SNX8: variants seen among roughly 807,000 people sequenced by gnomAD.
SNX8 encodes the protein sorting nexin-8.
In SNX8, 25 loss-of-function variants were observed where a neutral mutation model predicts 51.6. The observed-to-expected ratio is 0.48, with a 90% CI of 0.35 to 0.68. The LOEUF is 0.68. Ranked by LOEUF, SNX8 falls within the 30% of genes least tolerant of loss-of-function variation. The probability of loss-of-function intolerance (pLI) is 0.00; values close to 1 mark genes in which losing one functional copy is unlikely to be tolerated. For synonymous variants in SNX8, 324 were observed against 277.0 expected, an observed-to-expected ratio of 1.17 and a Z score of -1.68; for missense variants, 695 against 624.0, an observed-to-expected ratio of 1.11 and a Z score of -1.21.
chr7:2,294,530 G>A (rs542919801), intron 1 of SNX8, among the ~76,000 whole-genome samples: 7 of 152,322 alleles, frequency 4.6e-5, no homozygotes, highest in African/African-American at 1.7e-4. Context: ...GGCCCAGCGG[G>A]TGATGACCTG....
intron 1 of SNX8, among the ~76,000 whole-genome samples, chr7:2,285,508 T>A (rs975471471): frequency 6.6e-6 from 1 of 152,212 alleles, no homozygotes; most frequent in African/African-American, 2.4e-5. Context: ...CATGAGAGTT[T>A]GGCAGCTCTG....
At chr7:2,272,108 G>C (rs552622920) in intron 3 of SNX8, 137 bp from the exon 4 acceptor site, 2 of 1,213,544 alleles carry the variant, frequency 1.6e-6, no homozygotes, top group South Asian at 3.0e-5. Context: ...TGGGCCCCCA[G>C]TGCTGCTCAG....
intron 1 of SNX8, among the ~76,000 whole-genome samples, chr7:2,286,768 A>G (rs1796038767): frequency 4.0e-5 from 6 of 151,656 alleles, no homozygotes. Flanking sequence ...TCCATGCCTC[A>G]GCCTCCCAAA....
chr7:2,266,407 C>T (rs1046522502), intron 5 of SNX8, among the ~76,000 whole-genome samples: 14 of 151,746 alleles, frequency 9.2e-5, no homozygotes, highest in South Asian at 2.1e-4. Context: ...AGTGCAGTGG[C>T]GCAATCTTGG....
chr7:2,261,810 A>G (rs1795343162), intron 7 of SNX8, among the ~76,000 whole-genome samples: 2 of 152,376 alleles, frequency 1.3e-5, no homozygotes, highest in African/African-American at 4.8e-5. Flanking sequence ...CTTCAGCACG[A>G]AAAACGTCAC....
Position 2,297,550 on chromosome 7 carries a change from CAAAAA to C in SNX8, c.94+16773_94+16777del, listed in dbSNP as rs145543350. On this transcript the variant is annotated intron_variant, in intron 1 of 10. Coordinates refer to ENST00000222990, the MANE Select transcript of SNX8 (RefSeq NM_013321.4). The stretch of plus-strand genomic sequence containing the variant: ...GGGCAACAGGAGCAAAACCCCGCCG[CAAAAA>C]AAAAAAAAAAAAAAAAAAAAAATAC... Among the ~76,000 whole-genome samples the C allele has an allele frequency of 3.1e-3, 124 of 40,264 alleles. 2 individuals carry two copies. The South Asian group carries it at 0.12, about 38-fold the overall frequency. The allele number at this position is 40,264 out of a possible 152,430, so 26.4% of individuals were successfully genotyped here. A position where few individuals can be genotyped will look rare whatever the true frequency, so the allele number is the denominator to read the frequency against.
In SNX8 at chr7:2,343,113, T is replaced by C. The variant is rs368243663; in HGVS notation, c.-66+11109A>G. On this transcript the variant is annotated intron_variant, in intron 1 of 5. Transcript: ENST00000435336. ...CCTGGCCTGATTTTTGTATTTTTAG[T>C]AGAGGTGGGGGTTCACCATGTTGGC... 7.9e-5 allele frequency among the ~76,000 whole-genome samples: 12 copies of C among 151,862 alleles called. No homozygotes were observed. The South Asian group carries it at 1.7e-3, about 21-fold the overall frequency.
chr7:2,309,673 G>A, intron 1 of SNX8: 4 of 402,746 alleles, frequency 9.9e-6, no homozygotes, highest in South Asian at 1.9e-5. Flanking sequence ...GGAGGTTGCG[G>A]TGAGCCGAGA....
chr7:2,350,099 C>T (rs970858465), intron 1 of SNX8, among the ~76,000 whole-genome samples: 1 of 152,186 alleles, frequency 6.6e-6, no homozygotes, highest in African/African-American at 2.4e-5. Context: ...TCCTCAAAGA[C>T]ATGAAATCCC....
intron 4 of SNX8, among the ~76,000 whole-genome samples, chr7:2,270,737 G>GGGA (rs1320491718): frequency 6.6e-6 from 1 of 152,180 alleles, no homozygotes; most frequent in East Asian, 1.9e-4. Context: ...CAGGCACAGG[G>GGGA]GGAAGGCCCC....
rs150480674 is a variant in SNX8 at position 2,256,983 on chromosome 7, A to T, written c.1175T>A (p.Phe392Tyr). The T allele has an allele frequency of 2.0e-3, 3,251 of 1,612,528 alleles. 9 individuals carry two copies. Among genetic ancestry groups the T allele is most frequent in the Non-Finnish European group, 2.4e-3 (2,854 of 1,179,186 alleles). ...CTCCTGGTGCAGGCAGTACAGGGAG[A>T]AGTAGTTCCGCAGCTCCATCGTCTG... ...AIQTMELRNY[F>Y]SLYCLHQETQ... The change falls in exon 10 of 11, where the codon TTC becomes TAC. Residue 392 changes from phenylalanine (F) to tyrosine (Y), a missense_variant. Phe to Tyr is a conservative substitution (Grantham distance 22, BLOSUM62 3). Coordinates refer to ENST00000222990, the MANE Select transcript of SNX8 (RefSeq NM_013321.4).
At chr7:2,349,980 C>T (rs909504819) in intron 1 of SNX8, among the ~76,000 whole-genome samples, 22 of 152,148 alleles carry the variant, frequency 1.4e-4, no homozygotes, top group African/African-American at 5.3e-4. Context: ...GGAGCCACCC[C>T]ACTAGAGATC....
intron 1 of SNX8, among the ~76,000 whole-genome samples, chr7:2,278,622 C>CACTCACACTACGGAGTCGAAGCCGG: frequency 1.3e-5 from 1 of 78,190 alleles, no homozygotes; most frequent in East Asian, 8.7e-4. Context: ...ACGCCGGACT[C>CACTCACACTACGGAGTCGAAGCCGG]ACTCACACTA....
Position 2,257,394 on chromosome 7 carries a change from C to G in SNX8, c.1105G>C (p.Val369Leu). The change falls in exon 9 of 11, where the codon GTG (valine) becomes CTG (leucine). Residue 369 changes from valine (V) to leucine (L), a missense_variant. Transcript: ENST00000222990. ...ATAQNREPES[V>L]EQLESRIVEQ... is the part of the protein sequence containing the mutation. ...ACAATGCGGGACTCCAGCTGCTCCA[C>G]GGACTCCGGCTCGCGGTTCTGCGCG... The G allele has an allele frequency of 6.2e-7, 1 of 1,609,740 alleles. No homozygotes were observed. The highest frequency in any genetic ancestry group is 2.2e-5 in the East Asian group (1 of 44,858).
intron 1 of SNX8, among the ~76,000 whole-genome samples, chr7:2,285,136 C>T (rs930036814): frequency 2.8e-4 from 42 of 147,562 alleles, no homozygotes; most frequent in Middle Eastern, 3.6e-3. Context: ...GGCGTGAACC[C>T]GGGAGGCAGA....
chr7:2,315,113 C>G (rs1796733000), upstream of SNX8, among the ~76,000 whole-genome samples: 1 of 151,634 alleles, frequency 6.6e-6, no homozygotes, highest in Non-Finnish European at 1.5e-5. Flanking sequence ...CTCACACACT[C>G]ACCGCATCCT....
chr7:2,334,515 C>G (rs959526304), intron 1 of SNX8, among the ~76,000 whole-genome samples: 3 of 151,834 alleles, frequency 2.0e-5, no homozygotes, highest in Non-Finnish European at 2.9e-5. Context: ...CTGGCAAACA[C>G]AGTGAAACAC....
chr7:2,327,019 A>G (rs999347374), intron 1 of SNX8, among the ~76,000 whole-genome samples: 1 of 152,178 alleles, frequency 6.6e-6, no homozygotes, highest in African/African-American at 2.4e-5. Context: ...ATATTGTCTC[A>G]GAGTGCTTGA....
chr7:2,342,112 G>A (rs1778938550), intron 1 of SNX8, among the ~76,000 whole-genome samples: 1 of 151,316 alleles, frequency 6.6e-6, no homozygotes. Flanking sequence ...CTGGGAGGCG[G>A]AGGTTGCAGT....
Sources: allele counts gnomAD v4.1 joint callset (sites outside exome capture counted in the v4.1 genomes callset), GRCh38; gene constraint gnomAD v4.1.1; transcripts MANE v1.5; gene names NCBI Gene and HGNC (gene_info 2026-07-23, HGNC 2026-07-21).